Variants in NFIA observed in about 807,000 individuals in gnomAD.
NFIA encodes the protein nuclear factor 1 A-type.
NFIA carries 8 observed loss-of-function variants against 62.8 expected under a neutral mutation model. The ratio of observed to expected loss-of-function variants is 0.13; its 90% CI spans 0.07 to 0.23. The LOEUF (loss-of-function observed/expected upper bound fraction) is 0.23, where lower values mean the gene tolerates loss of function less well. NFIA is among the 10% of genes least tolerant of loss of function. The pLI, the probability that NFIA is intolerant of heterozygous loss-of-function variation, is 1.00. For synonymous variants in NFIA, 235 were observed against 238.1 expected (o/e 0.99, Z 0.12); for missense variants, 410 against 642.1 (o/e 0.64, Z 3.91).
At chr1:61,400,447 G>A (rs975657678) in intron 7 of NFIA, among the ~76,000 whole-genome samples, 7 of 152,134 alleles carry the variant, frequency 4.6e-5, no homozygotes, top group African/African-American at 1.2e-4. Context: ...ATTAGATGCC[G>A]GAAGCAGCCA....
intron 2 of NFIA, among the ~76,000 whole-genome samples, chr1:61,149,394 C>G (rs188708073): frequency 6.6e-6 from 1 of 152,242 alleles, no homozygotes; most frequent in East Asian, 1.9e-4. Context: ...AGCTCTAGCC[C>G]CAGACTATAC....
chr1:61,297,130 T>C (rs1659229363), intron 3 of NFIA, among the ~76,000 whole-genome samples: 1 of 152,256 alleles, frequency 6.6e-6, no homozygotes. Flanking sequence ...ACCCTGTATT[T>C]ATTTAAAAGG....
intron 2 of NFIA, among the ~76,000 whole-genome samples, chr1:61,254,672 A>T (rs1309247802): frequency 6.6e-6 from 1 of 152,234 alleles, no homozygotes; most frequent in African/African-American, 2.4e-5. Flanking sequence ...GAGCACAGTA[A>T]GATTCAAGTA....
rs147544237 is a variant in NFIA, at chr1:61,431,416, A to T, written c.1512+4860A>T. Among the ~76,000 whole-genome samples the T allele has an allele frequency of 1.7e-3, 265 of 152,344 alleles. 1 individual carries two copies. Among genetic ancestry groups the T allele is most frequent in the Middle Eastern group, 3.4e-3 (1 of 294 alleles). ...TTAAAATGAAAAATGGGTGCAAACA[A>T]TATTAAAAACAGGCATTTCCTCCTT... On this transcript the variant is annotated intron_variant, in intron 10 of 10. Transcript: ENST00000403491.
intron 2 of NFIA, among the ~76,000 whole-genome samples, chr1:61,266,061 T>C (rs1047281540): frequency 9.2e-5 from 14 of 152,220 alleles, no homozygotes; most frequent in African/African-American, 3.1e-4. Context: ...GCTAGTGATG[T>C]GTTTCAAATG....
chr1:61,098,574 A>G (rs565207957), intron 2 of NFIA, among the ~76,000 whole-genome samples: 1 of 152,304 alleles, frequency 6.6e-6, no homozygotes, highest in South Asian at 2.1e-4. Flanking sequence ...CAGCGTAACT[A>G]TTGTTGTGCA....
intron 3 of NFIA, among the ~76,000 whole-genome samples, chr1:61,310,059 C>T (rs1466573266): frequency 2.6e-5 from 4 of 152,064 alleles, no homozygotes; most frequent in Admixed American, 2.6e-4. Context: ...AGTGTTTTAC[C>T]ATGGTAGAGA....
At chr1:61,402,558 G>C (rs951936150) in intron 7 of NFIA, among the ~76,000 whole-genome samples, 2 of 152,180 alleles carry the variant, frequency 1.3e-5, no homozygotes, top group African/African-American at 4.8e-5. Flanking sequence ...GATGGAGAAG[G>C]CTGGGAGAAG....
chr1:61,432,218 T>A (rs1667125436), intron 10 of NFIA, among the ~76,000 whole-genome samples: 1 of 88,112 alleles, frequency 1.1e-5, no homozygotes, highest in Admixed American at 1.5e-4. Context: ...CACTTTTCCC[T>A]ATTTTTTTTT....
intron 3 of NFIA, among the ~76,000 whole-genome samples, chr1:61,294,402 CT>C (rs1482692423): frequency 2.0e-5 from 3 of 152,156 alleles, no homozygotes; most frequent in Non-Finnish European, 4.4e-5. Flanking sequence ...CCTTGTCCAG[CT>C]TTCTTTCTCC....
At chr1:61,334,890 A>G (rs888599071) in intron 4 of NFIA, among the ~76,000 whole-genome samples, 8 of 151,768 alleles carry the variant, frequency 5.3e-5, no homozygotes, top group African/African-American at 1.9e-4. Context: ...TTTCCTTTTA[A>G]GGTCTTATAT....
intron 2 of NFIA, among the ~76,000 whole-genome samples, chr1:61,231,607 C>T (rs1654672625): frequency 6.6e-6 from 1 of 152,182 alleles, no homozygotes. Flanking sequence ...TAAAATAGCT[C>T]AGCCTTTAAG....
At chr1:61,453,181 C>T (rs1287714801) in intron 10 of NFIA, among the ~76,000 whole-genome samples, 2 of 152,110 alleles carry the variant, frequency 1.3e-5, no homozygotes, top group East Asian at 3.9e-4. Flanking sequence ...TTGCAGTGGG[C>T]CTGCTACGTC....
At chr1:61,425,963 C>T (rs1159064645) in intron 9 of NFIA, among the ~76,000 whole-genome samples, 7 of 152,128 alleles carry the variant, frequency 4.6e-5, no homozygotes, top group African/African-American at 1.7e-4. Flanking sequence ...TCCTGGAGAA[C>T]CCATTAGTTC....
At chr1:61,104,146 C>T (rs1646556900) in intron 2 of NFIA, among the ~76,000 whole-genome samples, 1 of 152,124 alleles carries the variant, frequency 6.6e-6, no homozygotes. Context: ...AATGCTATTG[C>T]ATTTTTAAAG....
At chr1:61,221,016 G>A (rs1436880041) in intron 2 of NFIA, among the ~76,000 whole-genome samples, 6 of 151,978 alleles carry the variant, frequency 3.9e-5, no homozygotes, top group Admixed American at 3.3e-4. Flanking sequence ...TACTCAACAC[G>A]TGTCTTTTAA....
At chr1:61,402,895 TGAG>T (rs970059481) in intron 7 of NFIA, among the ~76,000 whole-genome samples, 2 of 152,282 alleles carry the variant, frequency 1.3e-5, no homozygotes, top group Non-Finnish European at 1.5e-5. Flanking sequence ...GCCCCAATCA[TGAG>T]GAGATCCCGG....
intron 7 of NFIA, among the ~76,000 whole-genome samples, chr1:61,399,128 T>G (rs1407561300): frequency 6.6e-6 from 1 of 152,222 alleles, no homozygotes; most frequent in Non-Finnish European, 1.5e-5. Flanking sequence ...AAGAACATCT[T>G]ATTTCTGAAG....
Position 61,082,706 on chromosome 1 carries a change from C to T in NFIA, c.-86C>T. Reference sequence around the variant, plus strand: ...TCTCTCTCTCTCTCTCTTCCTCTCTCCCTCTTTCTCCTCTCTCACCCACAC... The same window carrying T: ...TCTCTCTCTCTCTCTCTTCCTCTCTTCCTCTTTCTCCTCTCTCACCCACAC... On this transcript the variant is annotated 5_prime_UTR_variant, in exon 1 of 11. Coordinates refer to ENST00000403491, the MANE Select transcript of NFIA (RefSeq NM_001134673.4). 6.5e-7 allele frequency: 1 copy of T among 1,547,288 alleles called. No homozygotes were observed. The highest frequency in any genetic ancestry group is 8.7e-7 in the Non-Finnish European group (1 of 1,144,490).
Sources: allele counts gnomAD v4.1 joint callset (sites outside exome capture counted in the v4.1 genomes callset), GRCh38; gene constraint gnomAD v4.1.1; transcripts MANE v1.5; gene names NCBI Gene and HGNC (gene_info 2026-07-23, HGNC 2026-07-21).